The following MYRF variants were observed in gnomAD, a reference collection of about 807,000 sequenced individuals.
MYRF encodes the protein myelin regulatory factor, also known as myelin gene regulatory factor.
MYRF carries 16 observed loss-of-function variants against 126.3 expected under a neutral mutation model. The ratio of observed to expected loss-of-function variants is 0.13; its 90% CI spans 0.09 to 0.19. MYRF has a LOEUF of 0.19. Among genes scored for constraint, MYRF ranks in the 10% least tolerant of loss-of-function variants. MYRF has a pLI of 1.00. For synonymous variants in MYRF, 608 were observed against 635.3 expected (o/e 0.96, Z 0.65); for missense variants, 1,104 against 1,547.0 (o/e 0.71, Z 4.80).
Position 61,783,448 on chromosome 11 carries a change from C to CCAGCTTCTCATTTGTGTCCTGCCTTGT in MYRF, c.3017-47_3017-21dup. ...TTCAAGTCTGGCAAGGAAAGACTTG[C>CCAGCTTCTCATTTGTGTCCTGCCTTGT]CAGCTTCTCATTTGTGTCCTGCCTT... On this transcript the variant is annotated intron_variant, in intron 22 of 26. Coordinates refer to ENST00000278836, the MANE Select transcript of MYRF (RefSeq NM_001127392.3). The surrounding 1 kb of genome is among the most constrained non-coding windows in gnomAD (Gnocchi z 4.6). 1 of 1,450,602 alleles carries CCAGCTTCTCATTTGTGTCCTGCCTTGT rather than the reference C, an allele frequency of 6.9e-7. No homozygotes were observed. Among genetic ancestry groups the CCAGCTTCTCATTTGTGTCCTGCCTTGT allele is most frequent in the Non-Finnish European group, 9.6e-7 (1 of 1,037,412 alleles). The allele number at this position is 1,450,602 out of a possible 1,614,324, so 89.9% of individuals were successfully genotyped here. A position where few individuals can be genotyped will look rare whatever the true frequency, so the allele number is the denominator to read the frequency against.
At chr11:61,758,726 G>A (rs1311907073) in intron 1 of MYRF, among the ~76,000 whole-genome samples, 1 of 152,228 alleles carries the variant, frequency 6.6e-6, no homozygotes, top group Non-Finnish European at 1.5e-5. Flanking sequence ...CTTCTAGAAT[G>A]CTAGGCATTT....
intron 4 of MYRF, 107 bp downstream of exon 4, chr11:61,769,428 G>A (rs2066148015): frequency 2.2e-5 from 18 of 825,110 alleles, no homozygotes; most frequent in Middle Eastern, 2.6e-4. Context: ...GCTGCCCAAC[G>A]GGCTGAGATT....
At position 61,777,395 on chromosome 11, in the gene MYRF, C is replaced by A. The variant is rs1263104387; in HGVS notation, c.1722C>A (p.His574Gln). 1 of 1,613,860 alleles carries A rather than the reference C, an allele frequency of 6.2e-7. No homozygotes were observed. Among genetic ancestry groups the A allele is most frequent in the Non-Finnish European group, 8.5e-7 (1 of 1,179,998 alleles). ...TDRPDEALVV[H>Q]GNVKVMGSLM... is the part of the protein sequence containing the mutation. ...GGCCGGATGAGGCGCTGGTTGTGCA[C>A]GGGAATGTCAAGGTCATGGGCTCGC... Residue 574 changes from histidine to glutamine, a missense_variant, in exon 12 of 27, where the codon CAC (histidine) becomes CAA (glutamine). By Grantham distance (24) the His-to-Gln change is conservative. Coordinates refer to ENST00000278836, the MANE Select transcript of MYRF (RefSeq NM_001127392.3). The surrounding 1 kb of genome is among the most constrained non-coding windows in gnomAD (Gnocchi z 8.8).
At chr11:61,780,657 T>G in intron 18 of MYRF, 55 bp from the exon 19 acceptor site, 1 of 1,504,442 alleles carries the variant, frequency 6.6e-7, no homozygotes, top group South Asian at 1.2e-5. Context: ...TGACTGTGTC[T>G]TCTCTTCTCT....
intron 1 of MYRF, among the ~76,000 whole-genome samples, chr11:61,762,376 C>T (rs138683443): frequency 4.9e-4 from 75 of 152,302 alleles, no homozygotes; most frequent in African/African-American, 1.4e-3. Flanking sequence ...GTGCTGTTTT[C>T]GGGTTATTGG....
At chr11:61,761,644 G>A (rs1195214670) in intron 1 of MYRF, among the ~76,000 whole-genome samples, 1 of 152,236 alleles carries the variant, frequency 6.6e-6, no homozygotes, top group East Asian at 1.9e-4. Flanking sequence ...TGGCCACTTG[G>A]CTCATCCACT....
Position 61,766,224 on chromosome 11 carries a change from G to T in MYRF, c.398+3G>T. 6.2e-7 allele frequency: 1 copy of T among 1,602,844 alleles called. No individual in the cohort carries two copies. Among genetic ancestry groups the T allele is most frequent in the Non-Finnish European group, 8.5e-7 (1 of 1,176,292 alleles). On this transcript the variant is annotated splice_donor_region_variant and intron_variant, in intron 3 of 26. Transcript: ENST00000278836. ...CCCAAGGCTCCCTATGCCCCAGGGTGAGTAAGGGCAGGGAGTAGGGGGATA... is the reference window on the plus strand; with the variant it reads ...CCCAAGGCTCCCTATGCCCCAGGGTTAGTAAGGGCAGGGAGTAGGGGGATA...
At chr11:61,779,701 GC>G (rs1211185561) in intron 16 of MYRF, 131 bp downstream of exon 16, 1 of 1,207,870 alleles carries the variant, frequency 8.3e-7, no homozygotes, top group African/African-American at 1.5e-5. Flanking sequence ...AGCCCTCCCA[GC>G]CCCGTTTCTC....
At chr11:61,759,706 T>G (rs1479758468) in intron 1 of MYRF, among the ~76,000 whole-genome samples, 2 of 151,928 alleles carry the variant, frequency 1.3e-5, no homozygotes, top group Non-Finnish European at 2.9e-5. Context: ...GGGGTCTCTG[T>G]AGGCAGCCTG....
At chr11:61,785,208 G>T (rs174537) in intron 25 of MYRF, 44,157 of 152,956 alleles carry the variant, frequency 0.29, 8,189 homozygotes, top group East Asian at 0.55. Flanking sequence ...GAAGAGACAG[G>T]GTCCAAGACA....
intron 16 of MYRF, 135 bp downstream of exon 16, chr11:61,779,705 C>G (rs550852999): frequency 1.7e-6 from 2 of 1,208,696 alleles, no homozygotes; most frequent in South Asian, 1.5e-5. Flanking sequence ...CTCCCAGCCC[C>G]GTTTCTCTTT....
chr11:61,767,554 G>C (rs1305106195), intron 3 of MYRF: 1 of 401,328 alleles, frequency 2.5e-6, no homozygotes, highest in South Asian at 1.9e-5. Context: ...GGCTGGGTGT[G>C]GTGGCACACA....
In MYRF at chr11:61,776,582, A is replaced by G. The variant is rs762048588; in HGVS notation, c.1499+150A>G. The stretch of plus-strand genomic sequence containing the variant: ...TTTAGAGCCCTTCATTGACTTAAGG[A>G]TGGGAAGAGCAGAAGCCTGGCTTCT... On this transcript the variant is annotated intron_variant, in intron 10 of 26. Coordinates refer to ENST00000278836, the MANE Select transcript of MYRF (RefSeq NM_001127392.3). The surrounding 1 kb of genome is among the most constrained non-coding windows in gnomAD (Gnocchi z 4.3). 9.1e-6 allele frequency: 7 copies of G among 765,106 alleles called. No individual in the cohort carries two copies. Among genetic ancestry groups the G allele is most frequent in the African/African-American group, 1.8e-5 (1 of 56,786 alleles). 47.4% of individuals were successfully genotyped at this position (765,106 alleles called of 1,614,324 possible). A position where few individuals can be genotyped will look rare whatever the true frequency, so the allele number is the denominator to read the frequency against.
chr11:61,781,637 C>G lies in MYRF; in HGVS notation c.2829C>G (p.Val943=). The part of the protein sequence containing the change: ...NIRAKSWGLS[V]NGIGHSKHHK... ...GAGCCAAGTCCTGGGGTCTTTCAGTCAATGGCATTGGCCACTCCAAGCATC... is the reference window on the plus strand; with the variant it reads ...GAGCCAAGTCCTGGGGTCTTTCAGTGAATGGCATTGGCCACTCCAAGCATC... The change falls in exon 22 of 27, where the codon GTC becomes GTG. Residue 943 remains valine, a synonymous_variant. Transcript: ENST00000278836. 6.2e-7 allele frequency: 1 copy of G among 1,613,878 alleles called. No individual in the cohort carries two copies.
rs758816566 is a variant in MYRF at position 61,757,562 on chromosome 11, T to C, written c.46+4772T>C. 2.2e-6 allele frequency: 1 copy of C among 456,524 alleles called. No individual in the cohort carries two copies. Among genetic ancestry groups the C allele is most frequent in the South Asian group, 1.5e-5 (1 of 64,562 alleles). The allele number at this position is 456,524 out of a possible 1,614,324, so 28.3% of individuals were successfully genotyped here. ...GGGCTTGTTGAGCATGTTCTGTGGT[T>C]CTGTGTGCAAGGCCTGAACCATGAC... On this transcript the variant is annotated intron_variant, in intron 1 of 26. Transcript: ENST00000278836. This position sits in a 1 kb window ranked among gnomAD's most constrained non-coding sequence, Gnocchi z 4.7.
At position 61,776,979 on chromosome 11, in the gene MYRF, C is replaced by T. The variant is rs994775360; in HGVS notation, c.1590+102C>T. 3 of 1,046,958 alleles carry T rather than the reference C, an allele frequency of 2.9e-6. No homozygotes were observed. The highest frequency in any genetic ancestry group is 2.8e-6 in the Non-Finnish European group (2 of 725,624). The allele number at this position is 1,046,958 out of a possible 1,614,324, so 64.9% of individuals were successfully genotyped here. A position where few individuals can be genotyped will look rare whatever the true frequency, so the allele number is the denominator to read the frequency against. On this transcript the variant is annotated intron_variant, in intron 11 of 26. Transcript: ENST00000278836. This position sits in a 1 kb window ranked among gnomAD's most constrained non-coding sequence, Gnocchi z 4.3. ...ACTGAGAGTCAGGAGTGGGCATGCT[C>T]ATCCTGCTAGGCACTGGCTGTGTGG...
At chr11:61,770,658 G>A (rs2066193434) in intron 5 of MYRF, 133 bp downstream of exon 5, 3 of 786,266 alleles carry the variant, frequency 3.8e-6, no homozygotes, top group South Asian at 3.7e-5. Context: ...GCTCTGCAGG[G>A]CAGATGGGGG....
At position 61,780,246 on chromosome 11, in the gene MYRF, C is replaced by T. The variant is rs768090204; in HGVS notation, c.2361C>T (p.Tyr787=). The T allele has an allele frequency of 2.9e-5, 47 of 1,613,970 alleles. No homozygotes were observed. Among genetic ancestry groups the T allele is most frequent in the East Asian group, 4.5e-5 (2 of 44,896 alleles). Reference sequence around the variant, plus strand: ...GCGTGGTGTCCATGTCCACACTGTACGTGCTGAGCCTGCGCACAGAGGAGG... The same window carrying T: ...GCGTGGTGTCCATGTCCACACTGTATGTGCTGAGCCTGCGCACAGAGGAGG... ...AFSVVSMSTL[Y]VLSLRTEEDL... The change falls in exon 18 of 27, where the codon TAC becomes TAT. Residue 787 remains tyrosine (Y), a synonymous_variant. Transcript: ENST00000278836.
intron 21 of MYRF, 119 bp downstream of exon 21, chr11:61,781,448 G>T (rs937931080): frequency 2.6e-6 from 4 of 1,538,954 alleles, no homozygotes; most frequent in Middle Eastern, 1.8e-4. Flanking sequence ...GACAATGACT[G>T]GGAAGTTCCC....
Sources: allele counts gnomAD v4.1 joint callset (sites outside exome capture counted in the v4.1 genomes callset), GRCh38; gene constraint gnomAD v4.1.1; non-coding constraint Gnocchi (gnomAD v3.1); transcripts MANE v1.5; gene names NCBI Gene and HGNC (gene_info 2026-07-23, HGNC 2026-07-21).